CNN1: variants seen among roughly 807,000 people sequenced by gnomAD.
CNN1 encodes calponin-1.
A neutral mutation model predicts 35.3 loss-of-function variants in CNN1; 21 were observed. The observed-to-expected ratio is 0.60, with a 90% CI of 0.42 to 0.86. The LOEUF (loss-of-function observed/expected upper bound fraction) is 0.86. Ranked by LOEUF, CNN1 falls within the 40% of genes least tolerant of loss-of-function variation. The pLI is 0.00. For missense variants in CNN1, 314 were observed against 400.8 expected, an observed-to-expected ratio of 0.78 and a Z score of 1.85; for synonymous variants, 164 against 161.8, an observed-to-expected ratio of 1.01 and a Z score of -0.10.
intron 2 of CNN1, among the ~76,000 whole-genome samples, chr19:11,545,525 A>C: frequency 6.6e-6 from 1 of 151,414 alleles, no homozygotes; most frequent in Non-Finnish European, 1.5e-5. Context: ...GGGAAGCTGC[A>C]TGTCAGGAGT....
At chr19:11,542,922 G>A (rs992878588) in intron 2 of CNN1, among the ~76,000 whole-genome samples, 2 of 152,138 alleles carry the variant, frequency 1.3e-5, no homozygotes, top group African/African-American at 2.4e-5. Context: ...GCCTGCGCCC[G>A]ATCTGCATTT....
intron 1 of CNN1, chr19:11,539,904 G>C: frequency 8.8e-7 from 1 of 1,132,224 alleles, no homozygotes; most frequent in Non-Finnish European, 1.1e-6. Flanking sequence ...GCGCAGAGCC[G>C]CGCAGAGACG....
At chr19:11,544,627 C>T (rs577011576) in intron 2 of CNN1, among the ~76,000 whole-genome samples, 55 of 151,446 alleles carry the variant, frequency 3.6e-4, no homozygotes, top group South Asian at 2.1e-3. Context: ...GCTGGAACTA[C>T]AGGCACACAT....
chr19:11,547,074 G>T (rs369734539), intron 4 of CNN1, 105 bp downstream of exon 4: 2 of 1,527,624 alleles, frequency 1.3e-6, no homozygotes, highest in East Asian at 2.3e-5. Flanking sequence ...GGAGCGGGGG[G>T]CAGGGATCGG....
At chr19:11,544,755 G>C (rs1019817717) in intron 2 of CNN1, among the ~76,000 whole-genome samples, 1 of 146,184 alleles carries the variant, frequency 6.8e-6, no homozygotes, top group Non-Finnish European at 1.5e-5. Flanking sequence ...CTCCTGTCTC[G>C]GCTTCCCAAA....
intron 4 of CNN1, 137 bp downstream of exon 4, chr19:11,547,106 G>C: frequency 7.6e-7 from 1 of 1,311,698 alleles, no homozygotes; most frequent in South Asian, 1.3e-5. Flanking sequence ...TGTCAACAGC[G>C]TCCAAGGGGG....
chr19:11,538,942 C>T lies in CNN1; in HGVS notation c.15C>T (p.His5=). The T allele has an allele frequency of 6.3e-7, 1 of 1,595,250 alleles. No homozygotes were observed. Among genetic ancestry groups the T allele is most frequent in the Non-Finnish European group, 8.6e-7 (1 of 1,169,440 alleles). The change falls in exon 1 of 7, where the codon CAC becomes CAT. Residue 5 remains histidine, a synonymous_variant. Coordinates refer to ENST00000252456, the MANE Select transcript of CNN1 (RefSeq NM_001299.6). The stretch of plus-strand genomic sequence containing the variant: ...CACCGGCCAGCATGTCCTCTGCTCA[C>T]TTCAACCGAGGCCCTGCCTACGGGC... The part of the protein sequence containing the change: MSSA[H]FNRGPAYGLS...
intron 2 of CNN1, among the ~76,000 whole-genome samples, chr19:11,545,174 C>T (rs1239162787): frequency 6.6e-6 from 1 of 150,856 alleles, no homozygotes; most frequent in African/African-American, 2.4e-5. Context: ...GCCTTCCAGC[C>T]TGAGTGACAG....
At chr19:11,548,005 C>T in intron 5 of CNN1, 98 bp downstream of exon 5, 1 of 875,730 alleles carries the variant, frequency 1.1e-6, no homozygotes, top group Non-Finnish European at 1.7e-6. Context: ...ATTAACTATA[C>T]TATAGGCCGG....
intron 1 of CNN1, chr19:11,539,378 G>A: frequency 9.3e-7 from 1 of 1,072,348 alleles, no homozygotes; most frequent in Non-Finnish European, 1.1e-6. Context: ...CCTGGGAAGT[G>A]ACGCCGTGAA....
At position 11,539,009 on chromosome 19, in the gene CNN1, C is replaced by G. The variant is rs758424355; in HGVS notation, c.63+19C>G. 3.1e-5 allele frequency: 49 copies of G among 1,561,422 alleles called. No individual in the cohort carries two copies. Among genetic ancestry groups the G allele is most frequent in the Non-Finnish European group, 4.2e-5 (48 of 1,151,886 alleles). On this transcript the variant is annotated intron_variant, in intron 1 of 6. Coordinates refer to ENST00000252456, the MANE Select transcript of CNN1 (RefSeq NM_001299.6). The stretch of plus-strand genomic sequence containing the variant: ...GAACAAGGTAGGGCTGGAGGGCCTC[C>G]CTGGCCTGGCCCACACGTCCTGCCA...
At chr19:11,542,469 A>C (rs1466939796) in intron 2 of CNN1, among the ~76,000 whole-genome samples, 1 of 152,064 alleles carries the variant, frequency 6.6e-6, no homozygotes, top group African/African-American at 2.4e-5. Context: ...CTGGCATTAC[A>C]GGCATGAACC....
At chr19:11,542,067 T>C (rs1240012110) in intron 2 of CNN1, 2 of 145,316 alleles carry the variant, frequency 1.4e-5, no homozygotes, top group Non-Finnish European at 3.0e-5. Flanking sequence ...TTTTTTTTTT[T>C]AGTAGAGACA....
Position 11,541,106 on chromosome 19 carries a change from C to G in CNN1, c.94C>G (p.Gln32Glu). The change falls in exon 2 of 7, where the codon CAG becomes GAG. Residue 32 changes from glutamine (Q) to glutamate (E), a missense_variant. Gln to Glu is a conservative substitution (Grantham distance 29). Coordinates refer to ENST00000252456, the MANE Select transcript of CNN1 (RefSeq NM_001299.6). ...CCAGAAGTATGACCACCAGCGGGAG[C>G]AGGAGCTGAGAGAGTGGATCGAGGG... ...LAQKYDHQRE[Q>E]ELREWIEGVT... is the part of the protein sequence containing the mutation. 1.2e-6 allele frequency: 2 copies of G among 1,611,342 alleles called. No individual in the cohort carries two copies. Among genetic ancestry groups the G allele is most frequent in the Non-Finnish European group, 1.7e-6 (2 of 1,178,610 alleles).
In CNN1 at chr19:11,548,705, G is replaced by A. The variant is rs1972645362; in HGVS notation, c.502-618G>A. On this transcript the variant is annotated intron_variant, in intron 5 of 6. Transcript: ENST00000252456. The stretch of plus-strand genomic sequence containing the variant: ...ATACAAAAACTAGCCGGTGTGGTGG[G>A]GCACACCTGTAGTCCCAGCTACTCA... 3.3e-5 allele frequency among the ~76,000 whole-genome samples: 5 copies of A among 151,416 alleles called. No homozygotes were observed. The South Asian group carries it at 1.0e-3, about 32-fold the overall frequency.
chr19:11,545,106 C>G, intron 2 of CNN1, among the ~76,000 whole-genome samples: 1 of 151,520 alleles, frequency 6.6e-6, no homozygotes, highest in Admixed American at 6.6e-5. Context: ...GAGGCTGAGG[C>G]AGGAGAATTG....
intron 2 of CNN1, among the ~76,000 whole-genome samples, chr19:11,543,792 A>T: frequency 6.6e-6 from 1 of 151,110 alleles, no homozygotes. Context: ...CAAAAAAAAA[A>T]AAAAAAAAAA....
At position 11,549,689 on chromosome 19, in the gene CNN1, T is replaced by TTGG. The variant is rs751695500; in HGVS notation, c.788_789insTGG (p.Leu263_Pro264insGly). ...CAGCGGGGCATGACGGTGTATGGGC[T>TTGG]GCCACGCCAGGTCTACGACCCCAAG... On this transcript the variant is annotated inframe_insertion, in exon 7 of 7. Transcript: ENST00000252456. This position sits in a 1 kb window ranked among gnomAD's most constrained non-coding sequence, Gnocchi z 5.2. 6.2e-7 allele frequency: 1 copy of TTGG among 1,614,194 alleles called. No homozygotes were observed. The highest frequency in any genetic ancestry group is 8.5e-7 in the Non-Finnish European group (1 of 1,180,016).
Position 11,549,784 on chromosome 19 carries a change from A to C in CNN1, c.883A>C (p.Asn295His). 3 of 1,606,418 alleles carry C rather than the reference A, an allele frequency of 1.9e-6. No individual in the cohort carries two copies. Among genetic ancestry groups the C allele is most frequent in the Non-Finnish European group, 2.6e-6 (3 of 1,174,724 alleles). ...AHNHHAHNYY[N>H]SA is the part of the protein sequence containing the mutation. ...CAACCACCACGCACACAACTACTAC[A>C]ATTCCGCCTAGGGCCACAAGGCCTT... is the stretch of plus-strand genomic sequence containing the variant. The change falls in exon 7 of 7, where the codon AAT becomes CAT. Residue 295 changes from asparagine (N) to histidine (H), a missense_variant. Physicochemically the swap from Asn to His is moderately conservative, Grantham distance 68. Coordinates refer to ENST00000252456, the MANE Select transcript of CNN1 (RefSeq NM_001299.6). The surrounding 1 kb of genome is among the most constrained non-coding windows in gnomAD (Gnocchi z 5.2).
Sources: allele counts gnomAD v4.1 joint callset (sites outside exome capture counted in the v4.1 genomes callset), GRCh38; gene constraint gnomAD v4.1.1; non-coding constraint Gnocchi (gnomAD v3.1); transcripts MANE v1.5; gene names NCBI Gene and HGNC (gene_info 2026-07-23, HGNC 2026-07-21).